The following GRM7 variants were observed in gnomAD, a reference collection of about 807,000 sequenced individuals.
GRM7 encodes the protein glutamate metabotropic receptor 7.
In GRM7, 35 loss-of-function variants were observed where a neutral mutation model predicts 84.5. The ratio of observed to expected loss-of-function variants is 0.41; its 90% CI spans 0.32 to 0.55. The LOEUF (loss-of-function observed/expected upper bound fraction) is 0.55. Ranked by LOEUF, GRM7 falls within the 20% of genes least tolerant of loss-of-function variation. The pLI is 0.19. For synonymous variants in GRM7, 487 were observed against 455.1 expected (o/e 1.07, Z -0.89); for missense variants, 1,003 against 1,194.6 (o/e 0.84, Z 2.36).
At position 7,324,163 on chromosome 3, in the gene GRM7, C is replaced by T. The variant is rs186754518; in HGVS notation, c.1033+17511C>T. Among the ~76,000 whole-genome samples the T allele has an allele frequency of 4.6e-4, 70 of 152,256 alleles. 1 individual carries two copies. The highest frequency in any genetic ancestry group is 3.4e-3 in the Middle Eastern group (1 of 294). On this transcript the variant is annotated intron_variant, in intron 4 of 9. Transcript: ENST00000357716. ...TTTCCTGATCCAGAACTTCCATTCT[C>T]ATGTGTGTTTTCAGGCAATGGTGGT...
chr3:7,447,471 A>G (rs1334053142), intron 5 of GRM7, among the ~76,000 whole-genome samples: 1 of 152,264 alleles, frequency 6.6e-6, no homozygotes, highest in East Asian at 1.9e-4. Flanking sequence ...AAATGGGTGA[A>G]CCATTTCATG....
intron 9 of GRM7, among the ~76,000 whole-genome samples, chr3:7,733,456 T>C (rs1702395685): frequency 6.6e-6 from 1 of 152,206 alleles, no homozygotes; most frequent in Non-Finnish European, 1.5e-5. Flanking sequence ...ATTCCCCCAG[T>C]GCATGTGGGC....
At chr3:6,873,393 A>G (rs1202095503) in intron 1 of GRM7, among the ~76,000 whole-genome samples, 3 of 152,150 alleles carry the variant, frequency 2.0e-5, no homozygotes, top group Non-Finnish European at 4.4e-5. Flanking sequence ...GTATATAAAT[A>G]TATATACAGT....
intron 9 of GRM7, among the ~76,000 whole-genome samples, chr3:7,705,595 T>C (rs1436602689): frequency 6.6e-6 from 1 of 152,184 alleles, no homozygotes; most frequent in African/African-American, 2.4e-5. Flanking sequence ...GTGTGAACAA[T>C]GTGTAGGCAT....
At chr3:7,688,654 G>T (rs370737360) in intron 9 of GRM7, among the ~76,000 whole-genome samples, 1 of 152,136 alleles carries the variant, frequency 6.6e-6, no homozygotes, top group Non-Finnish European at 1.5e-5. Flanking sequence ...GTCTCTTAAG[G>T]TTATGCGTTC....
rs562465150 is a variant in GRM7, at chr3:7,117,556, C to T, written c.520-28896C>T. Among the ~76,000 whole-genome samples, 66 of 152,238 alleles carry T rather than the reference C, an allele frequency of 4.3e-4. No individual in the cohort carries two copies. The South Asian group carries it at 0.013, about 31-fold the overall frequency. Reference sequence around the variant, plus strand: ...TAAGCTATCCCCTGACTCTGGGGCCCTCCTGGGTATCAGAAGACTTGCACT... The same window carrying T: ...TAAGCTATCCCCTGACTCTGGGGCCTTCCTGGGTATCAGAAGACTTGCACT... On this transcript the variant is annotated intron_variant, in intron 1 of 9. Coordinates refer to ENST00000357716, the MANE Select transcript of GRM7 (RefSeq NM_000844.4).
chr3:7,554,267 T>C (rs1693645700), intron 7 of GRM7, among the ~76,000 whole-genome samples: 2 of 152,218 alleles, frequency 1.3e-5, no homozygotes, highest in African/African-American at 4.8e-5. Flanking sequence ...CTGTTTAAAG[T>C]AGCCACATCA....
At chr3:7,522,820 G>T (rs1455671583) in intron 7 of GRM7, among the ~76,000 whole-genome samples, 1 of 152,098 alleles carries the variant, frequency 6.6e-6, no homozygotes, top group Non-Finnish European at 1.5e-5. Flanking sequence ...TTGAGATGAG[G>T]TCTTTGGGAG....
At chr3:7,124,932 A>G (rs888422590) in intron 1 of GRM7, among the ~76,000 whole-genome samples, 10 of 151,996 alleles carry the variant, frequency 6.6e-5, no homozygotes, top group African/African-American at 2.2e-4. Context: ...ATGCTAGTCT[A>G]AGATTAATAG....
At chr3:7,230,136 G>A (rs1264606314) in intron 2 of GRM7, among the ~76,000 whole-genome samples, 1 of 151,840 alleles carries the variant, frequency 6.6e-6, no homozygotes, top group Non-Finnish European at 1.5e-5. Context: ...ACCGCGCCTG[G>A]CCTCTTCCAT....
intron 1 of GRM7, among the ~76,000 whole-genome samples, chr3:7,051,056 C>T (rs1352803240): frequency 3.3e-5 from 5 of 151,806 alleles, no homozygotes; most frequent in African/African-American, 1.2e-4. Context: ...ATATTTCATA[C>T]ATTAATTAAA....
intron 1 of GRM7, among the ~76,000 whole-genome samples, chr3:6,959,243 T>C (rs1415699648): frequency 6.6e-6 from 1 of 152,188 alleles, no homozygotes; most frequent in Non-Finnish European, 1.5e-5. Flanking sequence ...TTGCTTTGGT[T>C]GTATGGCTCA....
intron 1 of GRM7, among the ~76,000 whole-genome samples, chr3:7,060,399 A>C (rs188337397): frequency 8.2e-4 from 124 of 151,866 alleles, no homozygotes; most frequent in African/African-American, 3.0e-3. Flanking sequence ...AGGGGCAGAA[A>C]TGTTACACCA....
intron 2 of GRM7, among the ~76,000 whole-genome samples, chr3:7,190,097 T>C (rs757754660): frequency 3.9e-5 from 6 of 152,182 alleles, no homozygotes; most frequent in Non-Finnish European, 7.4e-5. Context: ...TCTGTGTTGA[T>C]TCTGTCTTGT....
At chr3:7,661,719 G>A (rs1004538336) in intron 8 of GRM7, among the ~76,000 whole-genome samples, 2 of 146,724 alleles carry the variant, frequency 1.4e-5, no homozygotes, top group South Asian at 2.2e-4. Context: ...GGGTGAACTC[G>A]GGAGGCAGAG....
intron 8 of GRM7, among the ~76,000 whole-genome samples, chr3:7,599,850 G>T (rs528911970): frequency 6.6e-6 from 1 of 152,162 alleles, no homozygotes; most frequent in South Asian, 2.1e-4. Flanking sequence ...AGACTCAGAT[G>T]TACACGGTCG....
chr3:7,288,067 T>G (rs1470651893), intron 2 of GRM7, among the ~76,000 whole-genome samples: 1 of 152,178 alleles, frequency 6.6e-6, no homozygotes, highest in Non-Finnish European at 1.5e-5. Flanking sequence ...AGTTAAATTC[T>G]GTGTATTTAA....
At chr3:7,280,384 A>G (rs1007016145) in intron 2 of GRM7, among the ~76,000 whole-genome samples, 4 of 152,216 alleles carry the variant, frequency 2.6e-5, no homozygotes, top group African/African-American at 7.2e-5. Flanking sequence ...GCAGTTTTCA[A>G]CTTCTTAAAA....
chr3:6,999,582 T>A (rs1291583478), intron 1 of GRM7, among the ~76,000 whole-genome samples: 3 of 152,208 alleles, frequency 2.0e-5, no homozygotes, highest in African/African-American at 7.2e-5. Context: ...CATCTGAGAC[T>A]GGGTAATTTA....
Sources: allele counts gnomAD v4.1 joint callset (sites outside exome capture counted in the v4.1 genomes callset), GRCh38; gene constraint gnomAD v4.1.1; transcripts MANE v1.5; gene names NCBI Gene and HGNC (gene_info 2026-07-23, HGNC 2026-07-21).